LRGUK: variants seen among roughly 807,000 people sequenced by gnomAD.
LRGUK encodes leucine-rich repeat and guanylate kinase domain-containing protein.
Under a neutral mutation model 76.0 loss-of-function variants are expected in LRGUK, and 65 were observed. The ratio of observed to expected loss-of-function variants is 0.85; its 90% CI spans 0.70 to 1.05. The LOEUF (loss-of-function observed/expected upper bound fraction) is 1.05, where lower values mean the gene tolerates loss of function less well. Ranked by LOEUF, LRGUK falls within the 50% of genes least tolerant of loss-of-function variation. The pLI is 0.00. For synonymous variants in LRGUK, 268 were observed against 265.6 expected (o/e 1.01, Z -0.09); for missense variants, 758 against 732.8 (o/e 1.03, Z -0.40).
intron 5 of LRGUK, among the ~76,000 whole-genome samples, chr7:134,156,354 T>G (rs1238709229): frequency 6.6e-6 from 1 of 152,212 alleles, no homozygotes; most frequent in Non-Finnish European, 1.5e-5. Context: ...GTATATATTG[T>G]GAATATGGTC....
At chr7:134,248,533 G>A (rs1158101772) in intron 17 of LRGUK, among the ~76,000 whole-genome samples, 3 of 152,168 alleles carry the variant, frequency 2.0e-5, no homozygotes, top group Non-Finnish European at 1.5e-5. Context: ...TTAGTTGAAC[G>A]TATAATGGTA....
In LRGUK at chr7:134,176,975, A is replaced by G. The variant is rs953666411; in HGVS notation, c.1021-2A>G. 1 of 1,567,270 alleles carries G rather than the reference A, an allele frequency of 6.4e-7. No homozygotes were observed. Among genetic ancestry groups the G allele is most frequent in the African/African-American group, 1.4e-5 (1 of 73,808 alleles). On this transcript the variant is annotated splice_acceptor_variant, in intron 8 of 15. Coordinates refer to ENST00000645682, the Ensembl canonical transcript of LRGUK. LOFTEE classifies it high-confidence loss of function. ...GAACAGTCCTCTTGATATTTTAAAT[A>G]GGAAAAGTCTGAATATTGGTTCTTC...
chr7:134,235,799 G>A (rs1801999847), intron 16 of LRGUK, among the ~76,000 whole-genome samples: 1 of 152,144 alleles, frequency 6.6e-6, no homozygotes, highest in Non-Finnish European at 1.5e-5. Flanking sequence ...TGTCTTCTCT[G>A]AGTCATTTTC....
intron 16 of LRGUK, among the ~76,000 whole-genome samples, chr7:134,226,218 A>ATGTGTGTGTGTGTGTGTGTGTG (rs57035440): frequency 7.1e-6 from 1 of 141,714 alleles, no homozygotes; most frequent in African/African-American, 2.8e-5. Context: ...CCCATCTCCA[A>ATGTGTGTGTGTGTGTGTGTGTG]TGTGTGTGTG....
At chr7:134,149,205 A>G (rs1429822262) in intron 5 of LRGUK, among the ~76,000 whole-genome samples, 2 of 151,928 alleles carry the variant, frequency 1.3e-5, no homozygotes, top group Non-Finnish European at 2.9e-5. Flanking sequence ...AAAGACAGCG[A>G]GCTCCAACTT....
intron 16 of LRGUK, among the ~76,000 whole-genome samples, chr7:134,240,955 G>T (rs932613887): frequency 6.6e-6 from 1 of 152,130 alleles, no homozygotes; most frequent in African/African-American, 2.4e-5. Context: ...GCCAAACTAA[G>T]CTTCATAAGT....
intron 3 of LRGUK, among the ~76,000 whole-genome samples, chr7:134,140,168 TC>T (rs1388183590): frequency 6.6e-6 from 1 of 151,912 alleles, no homozygotes; most frequent in Non-Finnish European, 1.5e-5. Context: ...TAGGGTTTCG[TC>T]ATGTTGGCCA....
At chr7:134,262,526 G>A (rs937789092) in intron 19 of LRGUK, among the ~76,000 whole-genome samples, 1 of 152,046 alleles carries the variant, frequency 6.6e-6, no homozygotes, top group Non-Finnish European at 1.5e-5. Flanking sequence ...AAGCAATTCC[G>A]GCACCCTGAG....
At chr7:134,231,235 C>G (rs187966959) in intron 16 of LRGUK, among the ~76,000 whole-genome samples, 1 of 152,246 alleles carries the variant, frequency 6.6e-6, no homozygotes, top group East Asian at 1.9e-4. Context: ...GAACATAAAT[C>G]TGAGAAAAGT....
intron 1 of LRGUK, among the ~76,000 whole-genome samples, chr7:134,128,674 C>T (rs938441098): frequency 1.5e-4 from 23 of 152,274 alleles, no homozygotes; most frequent in Middle Eastern, 3.4e-3. Flanking sequence ...ATCAGCCTCC[C>T]GAGTAGCTGG....
chr7:134,270,690 C>T, the LRGUK span, among the ~76,000 whole-genome samples: 7 of 152,062 alleles, frequency 4.6e-5, no homozygotes, highest in Admixed American at 2.6e-4. Context: ...GATTAATCCA[C>T]ATAGTTTTTA....
At chr7:134,262,242 T>C (rs1199076379) in intron 19 of LRGUK, among the ~76,000 whole-genome samples, 2 of 152,038 alleles carry the variant, frequency 1.3e-5, no homozygotes, top group Admixed American at 1.3e-4. Flanking sequence ...AGTGTGTTGG[T>C]GTGCGCCTGT....
chr7:134,173,486 T>G (rs2116977534), intron 7 of LRGUK, among the ~76,000 whole-genome samples: 1 of 152,362 alleles, frequency 6.6e-6, no homozygotes. Flanking sequence ...ACACTTGAGA[T>G]AAAATTGTAA....
rs1800583237 is a variant in LRGUK at position 134,198,054 on chromosome 7, C to T, written c.1545+949C>T. ...TGTGACTTCACACAGTAGGAGACTG[C>T]AATTCCCTTTTGGCTCTTTGTGTTG... On this transcript the variant is annotated intron_variant, in intron 13 of 15. Coordinates refer to ENST00000645682, the Ensembl canonical transcript of LRGUK. 2.0e-5 allele frequency among the ~76,000 whole-genome samples: 3 copies of T among 149,402 alleles called. 1 individual carries two copies. The South Asian group carries it at 6.5e-4, about 32-fold the overall frequency.
chr7:134,200,901 A>T (rs1332335539), intron 14 of LRGUK, among the ~76,000 whole-genome samples: 1 of 152,056 alleles, frequency 6.6e-6, no homozygotes, highest in African/African-American at 2.4e-5. Context: ...GGCTCTGGGG[A>T]TAAGTCCCCA....
At chr7:134,140,217 G>A (rs574842328) in intron 3 of LRGUK, among the ~76,000 whole-genome samples, 5 of 152,090 alleles carry the variant, frequency 3.3e-5, no homozygotes, top group Non-Finnish European at 7.4e-5. Flanking sequence ...TGATCTGCCC[G>A]CATCAGCCTC....
At chr7:134,210,195 C>T (rs1801192796) in exon 16 of LRGUK, 5 of 399,306 alleles carry the variant, frequency 1.3e-5, no homozygotes, top group Non-Finnish European at 2.2e-5. Flanking sequence ...GATCAGCCAG[C>T]TCCCACCATG....
At chr7:134,211,224 A>G (rs527474898), downstream of LRGUK, among the ~76,000 whole-genome samples, 31 of 152,346 alleles carry the variant, frequency 2.0e-4, no homozygotes, top group African/African-American at 7.0e-4. Flanking sequence ...ATGCAGCTCT[A>G]TCAGCTGCTG....
chr7:134,232,108 T>C (rs1801915645), intron 16 of LRGUK, among the ~76,000 whole-genome samples: 1 of 152,172 alleles, frequency 6.6e-6, no homozygotes, highest in African/African-American at 2.4e-5. Context: ...CCTGTCCTTA[T>C]AGAATTAATA....
Sources: gnomAD v4.1 joint callset for allele counts (sites outside exome capture counted in the v4.1 genomes callset) on GRCh38, gnomAD v4.1.1 for gene constraint, MANE v1.5 for transcripts, NCBI Gene and HGNC (gene_info 2026-07-23, HGNC 2026-07-21) for gene names.